TFDP1: variants seen among roughly 807,000 people sequenced by gnomAD.
TFDP1 encodes the protein DRTF1-polypeptide 1.
Under a neutral mutation model 48.0 loss-of-function variants are expected in TFDP1, and 6 were observed. The ratio of observed to expected loss-of-function variants is 0.13; its 90% CI spans 0.07 to 0.25. The LOEUF (loss-of-function observed/expected upper bound fraction) is 0.25, where lower values mean the gene tolerates loss of function less well. Ranked by LOEUF, TFDP1 falls within the 10% of genes least tolerant of loss-of-function variation. The pLI is 1.00. For synonymous variants in TFDP1, 201 were observed against 211.6 expected (o/e 0.95, Z 0.44); for missense variants, 335 against 543.0 (o/e 0.62, Z 3.81).
Position 113,610,740 on chromosome 13 carries a change from C to T in TFDP1, c.13-256C>T, listed in dbSNP as rs192227454. On this transcript the variant is annotated intron_variant, in intron 2 of 11. Coordinates refer to ENST00000375370, the MANE Select transcript of TFDP1 (RefSeq NM_007111.5). ...TCATTACAATCTTGATTTTTCAAGA[C>T]TGTGTGGATTCTGTAAGTCATGGCT... Among the ~76,000 whole-genome samples the T allele has an allele frequency of 2.7e-4, 41 of 152,320 alleles. No homozygotes were observed. In the East Asian group the frequency reaches 7.7e-3, roughly 29 times the overall value.
chr13:113,622,108 A>G (rs748683632), intron 3 of TFDP1, among the ~76,000 whole-genome samples: 38 of 152,328 alleles, frequency 2.5e-4, no homozygotes, highest in Non-Finnish European at 4.6e-4. Flanking sequence ...CGTGACCCAC[A>G]TGGCCTTACC....
chr13:113,596,369 G>A (rs574417991), intron 2 of TFDP1, among the ~76,000 whole-genome samples: 6 of 152,268 alleles, frequency 3.9e-5, no homozygotes, highest in South Asian at 4.1e-4. Context: ...CTTTGACTCC[G>A]GGAGTCGTTT....
intron 3 of TFDP1, among the ~76,000 whole-genome samples, chr13:113,621,457 C>T (rs776606024): frequency 6.6e-6 from 1 of 152,176 alleles, no homozygotes; most frequent in South Asian, 2.1e-4. Flanking sequence ...AATGGTTATT[C>T]CAGATATAGA....
At chr13:113,612,182 G>A (rs1221309476) in intron 3 of TFDP1, among the ~76,000 whole-genome samples, 2 of 152,134 alleles carry the variant, frequency 1.3e-5, no homozygotes, top group African/African-American at 2.4e-5. Context: ...TGGTGCGGGC[G>A]CCCATGGTGC....
chr13:113,626,196 T>G (rs1397919094), intron 4 of TFDP1, among the ~76,000 whole-genome samples: 1 of 152,106 alleles, frequency 6.6e-6, no homozygotes, highest in African/African-American at 2.4e-5. Context: ...CATCCTCAGG[T>G]GTCCCTGGCC....
intron 2 of TFDP1, among the ~76,000 whole-genome samples, chr13:113,605,811 G>A (rs927766957): frequency 9.9e-5 from 15 of 152,218 alleles, no homozygotes; most frequent in Non-Finnish European, 2.1e-4. Context: ...GGTGGTGAGT[G>A]TCTGCAGGGG....
chr13:113,628,067 G>A (rs1024218240), intron 4 of TFDP1, among the ~76,000 whole-genome samples: 3 of 152,160 alleles, frequency 2.0e-5, no homozygotes, highest in South Asian at 2.1e-4. Flanking sequence ...CTTTAGAGTC[G>A]AAAGACTGTG....
At chr13:113,605,147 C>T (rs1378627743) in intron 2 of TFDP1, among the ~76,000 whole-genome samples, 1 of 149,912 alleles carries the variant, frequency 6.7e-6, no homozygotes, top group South Asian at 2.1e-4. Context: ...TCAGTTGGGG[C>T]GGGGGGGCGT....
chr13:113,628,263 C>T (rs972628671), intron 4 of TFDP1, among the ~76,000 whole-genome samples: 1 of 151,886 alleles, frequency 6.6e-6, no homozygotes, highest in South Asian at 2.1e-4. Context: ...GTGTCTGAAG[C>T]CGTGTAAAGA....
chr13:113,631,705 C>T lies in TFDP1; in HGVS notation c.269C>T (p.Ser90Phe). The change falls in exon 5 of 12, where the codon TCT becomes TTT. Residue 90 changes from serine (S) to phenylalanine (F), a missense_variant. Coordinates refer to ENST00000375370, the MANE Select transcript of TFDP1 (RefSeq NM_007111.5). ...CACACCCCCAGCACTCACTTTGCCTCTCAGAACCAGCCTTCCGACTCCTCA... is the reference window on the plus strand; with the variant it reads ...CACACCCCCAGCACTCACTTTGCCTTTCAGAACCAGCCTTCCGACTCCTCA... Reference protein sequence around the residue: ...SPHTPSTHFASQNQPSDSSPW... With the variant: ...SPHTPSTHFAFQNQPSDSSPW... 6.2e-7 allele frequency: 1 copy of T among 1,614,174 alleles called. No homozygotes were observed. The highest frequency in any genetic ancestry group is 8.5e-7 in the Non-Finnish European group (1 of 1,180,016).
chr13:113,617,613 C>T (rs1456508899), intron 3 of TFDP1, among the ~76,000 whole-genome samples: 2 of 135,200 alleles, frequency 1.5e-5, no homozygotes, highest in East Asian at 4.0e-4. Context: ...CAGAACCCTT[C>T]ACCTGCAGAG....
chr13:113,595,288 A>G (rs1566637311), intron 2 of TFDP1, among the ~76,000 whole-genome samples: 3 of 152,166 alleles, frequency 2.0e-5, no homozygotes, highest in Non-Finnish European at 2.9e-5. Flanking sequence ...CCACCCCTTC[A>G]AGCCACGCCC....
intron 3 of TFDP1, among the ~76,000 whole-genome samples, chr13:113,614,938 A>C (rs900834245): frequency 8.5e-5 from 13 of 152,136 alleles, no homozygotes; most frequent in Admixed American, 2.6e-4. Context: ...CCTTTGCTTA[A>C]CGGCTCCTCT....
chr13:113,603,586 C>T (rs189844092), intron 2 of TFDP1, among the ~76,000 whole-genome samples: 3 of 152,262 alleles, frequency 2.0e-5, no homozygotes, highest in East Asian at 1.9e-4. Flanking sequence ...AGCAGCATGG[C>T]GTGTTTTACG....
At chr13:113,609,338 C>A (rs2048649070) in intron 2 of TFDP1, among the ~76,000 whole-genome samples, 1 of 152,188 alleles carries the variant, frequency 6.6e-6, no homozygotes, top group African/African-American at 2.4e-5. Flanking sequence ...CATCCACCCA[C>A]CTCCCAGCAA....
chr13:113,615,723 G>A (rs115935771), intron 3 of TFDP1, among the ~76,000 whole-genome samples: 249 of 152,236 alleles, frequency 1.6e-3, no homozygotes, highest in African/African-American at 5.8e-3. Flanking sequence ...GGGCAACAAC[G>A]GGAGACCCCA....
At chr13:113,592,346 G>C (rs933392059) in intron 2 of TFDP1, among the ~76,000 whole-genome samples, 3 of 152,190 alleles carry the variant, frequency 2.0e-5, no homozygotes, top group Admixed American at 6.5e-5. Context: ...TAGTAGAGAC[G>C]GGGTTTCTTC....
At chr13:113,601,795 AT>A (rs2048435001) in intron 2 of TFDP1, among the ~76,000 whole-genome samples, 2 of 152,158 alleles carry the variant, frequency 1.3e-5, no homozygotes, top group South Asian at 2.1e-4. Flanking sequence ...GCAGGAGTTG[AT>A]GGGGGAGCAG....
chr13:113,614,146 G>A (rs973098489), intron 3 of TFDP1, among the ~76,000 whole-genome samples: 8 of 151,838 alleles, frequency 5.3e-5, no homozygotes, highest in South Asian at 2.1e-4. Context: ...TGTTATGTGC[G>A]TGTGCATGTG....
Sources: gnomAD v4.1 joint callset for allele counts (sites outside exome capture counted in the v4.1 genomes callset) on GRCh38, gnomAD v4.1.1 for gene constraint, MANE v1.5 for transcripts, NCBI Gene and HGNC (gene_info 2026-07-23, HGNC 2026-07-21) for gene names.